Variants in SGCD observed in about 807,000 individuals in gnomAD.
SGCD encodes sarcoglycan delta, also known as delta-sarcoglycan.
In SGCD, 18 loss-of-function variants were observed where a neutral mutation model predicts 36.6. The observed-to-expected ratio is 0.49, with a 90% CI of 0.34 to 0.73. The LOEUF (loss-of-function observed/expected upper bound fraction) is 0.73, where lower values mean the gene tolerates loss of function less well. Ranked by LOEUF, SGCD falls within the 30% of genes least tolerant of loss-of-function variation. The pLI is 0.01. For missense variants in SGCD, 387 were observed against 346.7 expected (o/e 1.12, Z -0.92); for synonymous variants, 133 against 130.6 (o/e 1.02, Z -0.12).
chr5:155,782,714 T>C, the SGCD span, among the ~76,000 whole-genome samples: 1 of 152,146 alleles, frequency 6.6e-6, no homozygotes, highest in African/African-American at 2.4e-5. Flanking sequence ...CTCTGCCTCT[T>C]GTCAGATCAG....
intron 3 of SGCD, among the ~76,000 whole-genome samples, chr5:156,470,066 C>T (rs1197442749): frequency 6.6e-6 from 1 of 152,192 alleles, no homozygotes; most frequent in Non-Finnish European, 1.5e-5. Context: ...TGTTTCCATG[C>T]CAGGCTAGGT....
chr5:156,105,437 A>C (rs536964860), intron 1 of SGCD, among the ~76,000 whole-genome samples: 1 of 152,310 alleles, frequency 6.6e-6, no homozygotes, highest in Non-Finnish European at 1.5e-5. Flanking sequence ...CAAGTAAATA[A>C]TTAATGTTAT....
At chr5:155,761,649 ATCC>A in the SGCD span, among the ~76,000 whole-genome samples, 1 of 142,440 alleles carries the variant, frequency 7.0e-6, no homozygotes, top group Admixed American at 6.8e-5. Context: ...CATCTCCATC[ATCC>A]TCATCATCAC....
chr5:156,188,382 G>A (rs1182068681), intron 3 of SGCD, among the ~76,000 whole-genome samples: 1 of 152,150 alleles, frequency 6.6e-6, no homozygotes, highest in African/African-American at 2.4e-5. Context: ...AATAAAAGTA[G>A]AGCAGGATAA....
intron 3 of SGCD, among the ~76,000 whole-genome samples, chr5:156,206,427 A>C (rs1318333652): frequency 6.6e-6 from 1 of 152,052 alleles, no homozygotes; most frequent in Non-Finnish European, 1.5e-5. Flanking sequence ...TAGGTATTGC[A>C]AAATTCTTCC....
chr5:156,490,807 G>A (rs999215786), intron 3 of SGCD, among the ~76,000 whole-genome samples: 1 of 152,004 alleles, frequency 6.6e-6, no homozygotes, highest in Non-Finnish European at 1.5e-5. Flanking sequence ...AGACAAGGAT[G>A]CCCACTTTCA....
intron 3 of SGCD, among the ~76,000 whole-genome samples, chr5:156,157,268 C>T (rs969634860): frequency 6.6e-6 from 1 of 151,736 alleles, no homozygotes; most frequent in Non-Finnish European, 1.5e-5. Context: ...TATATATTAT[C>T]TCATTTAGTC....
chr5:156,012,094 A>T (rs1758871173), intron 1 of SGCD, among the ~76,000 whole-genome samples: 1 of 152,222 alleles, frequency 6.6e-6, no homozygotes. Context: ...GTGTATCTTC[A>T]ATGCATATGC....
intron 1 of SGCD, among the ~76,000 whole-genome samples, chr5:155,904,917 T>A (rs1380667814): frequency 6.6e-6 from 1 of 152,168 alleles, no homozygotes; most frequent in East Asian, 1.9e-4. Context: ...TGGACAACCT[T>A]GAGCATGACA....
intron 3 of SGCD, among the ~76,000 whole-genome samples, chr5:156,452,025 C>T (rs1754041842): frequency 6.6e-6 from 1 of 152,130 alleles, no homozygotes; most frequent in Non-Finnish European, 1.5e-5. Context: ...ACTTCCCTTG[C>T]CCATGGTCAC....
chr5:156,414,619 T>A (rs922581243), intron 3 of SGCD, among the ~76,000 whole-genome samples: 10 of 152,204 alleles, frequency 6.6e-5, no homozygotes, highest in African/African-American at 2.2e-4. Flanking sequence ...TGTAAATAAA[T>A]GAGTGTGGCT....
chr5:156,365,293 A>T (rs971010288), intron 3 of SGCD, among the ~76,000 whole-genome samples: 3 of 152,246 alleles, frequency 2.0e-5, no homozygotes, highest in African/African-American at 7.2e-5. Flanking sequence ...ATCTATTACC[A>T]AAAACTAGGA....
chr5:156,481,460 A>T (rs1224895534), intron 3 of SGCD, among the ~76,000 whole-genome samples: 1 of 152,178 alleles, frequency 6.6e-6, no homozygotes, highest in South Asian at 2.1e-4. Flanking sequence ...CTCATAATCT[A>T]AGTGTCTTAG....
At chr5:156,565,379 C>T (rs938210391) in intron 4 of SGCD, among the ~76,000 whole-genome samples, 6 of 151,992 alleles carry the variant, frequency 3.9e-5, no homozygotes, top group African/African-American at 1.4e-4. Context: ...TTTTTAAAAA[C>T]CTGCCAGCCC....
At position 155,945,981 on chromosome 5, in the gene SGCD, A is replaced by T. The variant is rs181337092; in HGVS notation, c.-282+75557A>T. The stretch of plus-strand genomic sequence containing the variant: ...TGGGAGCATGAAGGGAGGTGGATGG[A>T]TCGGAGAGATATACGAGGTAAAATG... On this transcript the variant is annotated intron_variant, in intron 1 of 9. Transcript: ENST00000517913. Among the ~76,000 whole-genome samples, 401 of 152,298 alleles carry T rather than the reference A, an allele frequency of 2.6e-3. 5 individuals carry two copies. The highest frequency in any genetic ancestry group is 1.8e-3 in the Non-Finnish European group (125 of 68,024).
intron 1 of SGCD, among the ~76,000 whole-genome samples, chr5:156,056,540 G>C (rs1480134337): frequency 1.4e-5 from 2 of 141,100 alleles, no homozygotes; most frequent in South Asian, 2.3e-4. Flanking sequence ...TCTCACCCAG[G>C]AACAGAAGAC....
At chr5:156,388,386 C>T (rs1204466223) in intron 3 of SGCD, among the ~76,000 whole-genome samples, 2 of 152,040 alleles carry the variant, frequency 1.3e-5, no homozygotes, top group Non-Finnish European at 2.9e-5. Context: ...GACCAGATGC[C>T]AAGCAAATGG....
At chr5:156,443,473 A>G (rs571904490) in intron 3 of SGCD, among the ~76,000 whole-genome samples, 2 of 152,092 alleles carry the variant, frequency 1.3e-5, no homozygotes, top group East Asian at 1.9e-4. Flanking sequence ...TGTCTCTCTC[A>G]CTATTGTCTG....
chr5:156,479,933 CA>C (rs2127837263), intron 3 of SGCD, among the ~76,000 whole-genome samples: 1 of 152,268 alleles, frequency 6.6e-6, no homozygotes, highest in African/African-American at 2.4e-5. Flanking sequence ...GCTACAATTT[CA>C]AACCAAAGCA....
Sources: allele counts gnomAD v4.1 joint callset (sites outside exome capture counted in the v4.1 genomes callset), GRCh38; gene constraint gnomAD v4.1.1; transcripts MANE v1.5; gene names NCBI Gene and HGNC (gene_info 2026-07-23, HGNC 2026-07-21).